The following COMMD1 variants were observed in gnomAD, a reference collection of about 807,000 sequenced individuals.
The protein encoded by COMMD1 is copper metabolism domain containing 1.
A neutral mutation model predicts 17.2 loss-of-function variants in COMMD1; 10 were observed. The ratio of observed to expected loss-of-function variants is 0.58; its 90% CI spans 0.36 to 0.99. The LOEUF is 0.99. COMMD1 is among the 50% of genes least tolerant of loss of function. The pLI is 0.01. For synonymous variants in COMMD1, 97 were observed against 91.6 expected (o/e 1.06, Z -0.34); for missense variants, 270 against 231.8 (o/e 1.17, Z -1.07).
intron 1 of COMMD1, among the ~76,000 whole-genome samples, chr2:61,910,092 T>G (rs1669865831): frequency 6.6e-6 from 1 of 152,180 alleles, no homozygotes; most frequent in South Asian, 2.1e-4. Flanking sequence ...TATGCGAAGC[T>G]GGCCATTCAC....
At chr2:62,055,001 C>T (rs1302023215) in intron 2 of COMMD1, among the ~76,000 whole-genome samples, 1 of 152,158 alleles carries the variant, frequency 6.6e-6, no homozygotes, top group East Asian at 1.9e-4. Context: ...ATGCTACTAG[C>T]ACTGGGGAGC....
At chr2:62,113,357 A>AT (rs932177301) in intron 2 of COMMD1, among the ~76,000 whole-genome samples, 1 of 151,868 alleles carries the variant, frequency 6.6e-6, no homozygotes, top group African/African-American at 2.4e-5. Context: ...GTCTCAAAAA[A>AT]ATATATATAT....
At chr2:62,079,873 A>T (rs749781780) in intron 2 of COMMD1, 1 of 152,218 alleles carries the variant, frequency 6.6e-6, no homozygotes, top group African/African-American at 2.4e-5. Flanking sequence ...AATTGGTATA[A>T]TAAGGCTTTT....
chr2:62,047,063 C>T (rs1573113106), intron 2 of COMMD1, among the ~76,000 whole-genome samples: 3 of 152,160 alleles, frequency 2.0e-5, no homozygotes, highest in Admixed American at 1.3e-4. Context: ...TGGTCCCTAC[C>T]CCCGAGTCCC....
At chr2:62,066,750 C>G (rs1396094948) in intron 2 of COMMD1, among the ~76,000 whole-genome samples, 2 of 130,970 alleles carry the variant, frequency 1.5e-5, no homozygotes, top group East Asian at 2.4e-4. Context: ...TTTTGAGACA[C>G]AGTCTTGCTC....
chr2:61,906,899 T>C (rs1238661176), intron 1 of COMMD1, among the ~76,000 whole-genome samples: 1 of 152,242 alleles, frequency 6.6e-6, no homozygotes, highest in Non-Finnish European at 1.5e-5. Flanking sequence ...AGCTGTTTAT[T>C]CTTTAAAAGG....
intron 1 of COMMD1, among the ~76,000 whole-genome samples, chr2:61,965,443 A>G (rs1006151082): frequency 1.3e-5 from 2 of 152,246 alleles, no homozygotes; most frequent in African/African-American, 2.4e-5. Context: ...AGCTAAAACT[A>G]CTTCAAAAGA....
chr2:62,089,810 C>T (rs904137009), intron 2 of COMMD1, among the ~76,000 whole-genome samples: 5 of 152,092 alleles, frequency 3.3e-5, no homozygotes, highest in Admixed American at 6.5e-5. Context: ...GCTTTGTCCT[C>T]GGTCTCCCCT....
chr2:62,120,264 G>A (rs2104070926), intron 2 of COMMD1, among the ~76,000 whole-genome samples: 1 of 151,016 alleles, frequency 6.6e-6, no homozygotes, highest in African/African-American at 2.4e-5. Context: ...GCCTCCCAAA[G>A]TGCTGGGATT....
intron 1 of COMMD1, among the ~76,000 whole-genome samples, chr2:61,927,161 A>C (rs191971511): frequency 1.3e-5 from 2 of 152,172 alleles, no homozygotes; most frequent in African/African-American, 2.4e-5. Flanking sequence ...AGCGATGGGG[A>C]GATAGAACAA....
At chr2:61,958,702 A>G (rs1339425160) in intron 1 of COMMD1, among the ~76,000 whole-genome samples, 1 of 152,210 alleles carries the variant, frequency 6.6e-6, no homozygotes, top group Non-Finnish European at 1.5e-5. Context: ...AGAATGTGTT[A>G]GATCATAAAT....
intron 2 of COMMD1, among the ~76,000 whole-genome samples, chr2:62,060,550 A>G (rs1670829878): frequency 6.6e-6 from 1 of 152,114 alleles, no homozygotes; most frequent in Non-Finnish European, 1.5e-5. Flanking sequence ...ATATTTAACC[A>G]TATATTTGTC....
Position 61,905,775 on chromosome 2 carries a change from G to T in COMMD1, c.97G>T (p.Glu33Ter), listed in dbSNP as rs545760987. The change falls in exon 1 of 3, where the codon GAG becomes TAG. Residue 33 changes from glutamate to a stop codon, truncating the protein, a stop_gained. Transcript: ENST00000311832. LOFTEE classifies it high-confidence loss of function. ...TFHGYPGITE[E>*]LLRSQLYPEV... ...CCACGGGTACCCCGGCATCACAGAG[G>T]AGCTGCTACGGAGCCAGCTATATCC... is the stretch of plus-strand genomic sequence containing the variant. The T allele has an allele frequency of 3.7e-5, 59 of 1,614,088 alleles. No homozygotes were observed. The highest frequency in any genetic ancestry group is 2.7e-4 in the East Asian group (12 of 44,894).
At chr2:62,131,732 G>A (rs1298314008) in intron 2 of COMMD1, among the ~76,000 whole-genome samples, 2 of 151,806 alleles carry the variant, frequency 1.3e-5, no homozygotes, top group African/African-American at 4.8e-5. Flanking sequence ...TTTTAGAGAT[G>A]GGGTTTCGCC....
At chr2:62,130,450 T>C (rs1673000441) in intron 2 of COMMD1, among the ~76,000 whole-genome samples, 1 of 152,012 alleles carries the variant, frequency 6.6e-6, no homozygotes, top group African/African-American at 2.4e-5. Context: ...TGAATCAGTA[T>C]TGGTTAGTGA....
chr2:62,082,978 G>GCCAGGCAC (rs1671567705), intron 2 of COMMD1, among the ~76,000 whole-genome samples: 1 of 151,884 alleles, frequency 6.6e-6, no homozygotes, highest in Non-Finnish European at 1.5e-5. Flanking sequence ...GTTAAATTTG[G>GCCAGGCAC]CCAGGCACAG....
chr2:62,014,484 G>C (rs187698193), intron 2 of COMMD1, among the ~76,000 whole-genome samples: 3 of 120,454 alleles, frequency 2.5e-5, no homozygotes, highest in Admixed American at 9.2e-5. Flanking sequence ...CCCTTCTTTA[G>C]TACTTAAAAA....
At chr2:62,036,542 T>C (rs761627541) in intron 2 of COMMD1, among the ~76,000 whole-genome samples, 2 of 152,240 alleles carry the variant, frequency 1.3e-5, no homozygotes, top group Non-Finnish European at 2.9e-5. Context: ...AGCTAATGTA[T>C]TGGATGGTAT....
At chr2:62,087,389 G>C (rs1671700316) in intron 2 of COMMD1, among the ~76,000 whole-genome samples, 1 of 152,130 alleles carries the variant, frequency 6.6e-6, no homozygotes, top group Non-Finnish European at 1.5e-5. Context: ...CATACTTTTA[G>C]AAAAACAGGA....
Sources: gnomAD v4.1 joint callset for allele counts (sites outside exome capture counted in the v4.1 genomes callset) on GRCh38, gnomAD v4.1.1 for gene constraint, MANE v1.5 for transcripts, NCBI Gene and HGNC (gene_info 2026-07-23, HGNC 2026-07-21) for gene names.